The following GPC6 variants were observed in gnomAD, a reference collection of about 807,000 sequenced individuals.
The protein encoded by GPC6 is glypican-6.
In GPC6, 14 loss-of-function variants were observed where a neutral mutation model predicts 55.2. The observed-to-expected ratio is 0.25, with a 90% confidence interval of 0.17 to 0.40. GPC6 has a LOEUF of 0.40. Among genes scored for constraint, GPC6 ranks in the 10% least tolerant of loss-of-function variants. The pLI is 1.00. For missense variants in GPC6, 641 were observed against 708.5 expected (o/e 0.90, Z 1.08); for synonymous variants, 278 against 259.6 (o/e 1.07, Z -0.68).
At chr13:94,153,160 G>A (rs1021593950) in intron 4 of GPC6, among the ~76,000 whole-genome samples, 1 of 151,990 alleles carries the variant, frequency 6.6e-6, no homozygotes, top group African/African-American at 2.4e-5. Flanking sequence ...AATGAATGTT[G>A]CCACCTGAGT....
chr13:93,535,094 T>C (rs1287063629), intron 1 of GPC6, among the ~76,000 whole-genome samples: 7 of 152,222 alleles, frequency 4.6e-5, no homozygotes, highest in Non-Finnish European at 1.0e-4. Flanking sequence ...TTTGGTCTCT[T>C]ATCCTGATTT....
At chr13:93,716,705 T>C (rs760313455) in intron 2 of GPC6, among the ~76,000 whole-genome samples, 59 of 151,572 alleles carry the variant, frequency 3.9e-4, no homozygotes, top group Non-Finnish European at 6.3e-4. Context: ...TATAAGTCTT[T>C]GTAAGTTTAG....
chr13:94,016,620 A>T (rs1186284138), intron 3 of GPC6, among the ~76,000 whole-genome samples: 2 of 152,208 alleles, frequency 1.3e-5, no homozygotes, highest in Admixed American at 1.3e-4. Flanking sequence ...AGCTGTTAGA[A>T]TTTTGAAAGA....
intron 3 of GPC6, among the ~76,000 whole-genome samples, chr13:94,002,699 A>C (rs1487069587): frequency 6.6e-6 from 1 of 152,162 alleles, no homozygotes; most frequent in African/African-American, 2.4e-5. Context: ...GGTGAAAAAA[A>C]ACTCCCTGTC....
chr13:93,932,736 T>G (rs959955037), intron 3 of GPC6, among the ~76,000 whole-genome samples: 36 of 152,088 alleles, frequency 2.4e-4, no homozygotes, highest in African/African-American at 8.7e-4. Context: ...AAGTTTCTGG[T>G]TTGCAGTCAC....
intron 1 of GPC6, among the ~76,000 whole-genome samples, chr13:93,326,113 G>A (rs1469538217): frequency 6.6e-6 from 1 of 152,172 alleles, no homozygotes; most frequent in Non-Finnish European, 1.5e-5. Flanking sequence ...AGGGAAAACA[G>A]GAGGAGAAAG....
intron 4 of GPC6, among the ~76,000 whole-genome samples, chr13:94,239,531 A>T (rs1267645243): frequency 1.3e-5 from 2 of 152,274 alleles, no homozygotes; most frequent in African/African-American, 2.4e-5. Context: ...GAGGATTTTT[A>T]AAACTTTTTT....
At chr13:94,143,723 A>T (rs1000253420) in intron 4 of GPC6, among the ~76,000 whole-genome samples, 14 of 152,146 alleles carry the variant, frequency 9.2e-5, no homozygotes, top group Middle Eastern at 3.4e-3. Flanking sequence ...CCCCATCTTT[A>T]CAAAAAAATA....
At chr13:93,803,151 G>C (rs1475191294) in intron 2 of GPC6, among the ~76,000 whole-genome samples, 1 of 152,072 alleles carries the variant, frequency 6.6e-6, no homozygotes, top group African/African-American at 2.4e-5. Flanking sequence ...GCAAAATTAT[G>C]AGTCCTAAGG....
intron 4 of GPC6, among the ~76,000 whole-genome samples, chr13:94,156,377 A>G (rs943309649): frequency 3.3e-5 from 5 of 152,186 alleles, no homozygotes; most frequent in Non-Finnish European, 7.3e-5. Context: ...GTATAGATAT[A>G]GATACATATA....
At chr13:93,776,531 T>C (rs549567905) in intron 2 of GPC6, among the ~76,000 whole-genome samples, 11 of 152,156 alleles carry the variant, frequency 7.2e-5, no homozygotes, top group South Asian at 4.1e-4. Flanking sequence ...ACTGGGATAA[T>C]GAACTGATAT....
Position 94,084,497 on chromosome 13 carries a change from C to T in GPC6, c.877+56603C>T, listed in dbSNP as rs376730030. On this transcript the variant is annotated intron_variant, in intron 4 of 8. Coordinates refer to ENST00000377047, the MANE Select transcript of GPC6 (RefSeq NM_005708.5). ...TCACAAGAATATGAATTTATATCCC[C>T]AGGTGGACAGTTATGAAAGTGGGAT... Among the ~76,000 whole-genome samples the T allele has an allele frequency of 7.8e-4, 119 of 152,224 alleles. No homozygotes were observed. In the South Asian group the frequency reaches 0.023, roughly 30 times the overall value.
intron 3 of GPC6, among the ~76,000 whole-genome samples, chr13:93,928,896 T>C (rs1282629704): frequency 1.9e-5 from 2 of 105,650 alleles, no homozygotes; most frequent in African/African-American, 7.4e-5. Flanking sequence ...CACACACATC[T>C]ATATAGTAGG....
intron 1 of GPC6, among the ~76,000 whole-genome samples, chr13:93,275,193 T>C (rs905730129): frequency 6.6e-6 from 1 of 152,228 alleles, no homozygotes; most frequent in African/African-American, 2.4e-5. Context: ...TTTCATCTTA[T>C]TGGGGGAAGA....
intron 4 of GPC6, among the ~76,000 whole-genome samples, chr13:94,201,472 A>G (rs900147127): frequency 6.6e-6 from 1 of 152,126 alleles, no homozygotes; most frequent in African/African-American, 2.4e-5. Context: ...ACACACACCA[A>G]AAAATATATA....
At chr13:93,496,987 C>A (rs1264599255) in intron 1 of GPC6, among the ~76,000 whole-genome samples, 1 of 152,106 alleles carries the variant, frequency 6.6e-6, no homozygotes, top group Admixed American at 6.5e-5. Flanking sequence ...AACACCAACC[C>A]AAGTTGCATT....
chr13:93,531,565 C>A (rs1425386879), intron 1 of GPC6, among the ~76,000 whole-genome samples: 2 of 152,182 alleles, frequency 1.3e-5, no homozygotes, highest in East Asian at 3.8e-4. Context: ...ACCACATCTA[C>A]AAACTACCTC....
intron 3 of GPC6, among the ~76,000 whole-genome samples, chr13:93,886,169 C>T (rs1875313088): frequency 6.6e-6 from 1 of 152,068 alleles, no homozygotes; most frequent in Non-Finnish European, 1.5e-5. Context: ...TCATTATCAA[C>T]ACATTTTATT....
chr13:93,689,634 T>C (rs1054621140), intron 2 of GPC6, among the ~76,000 whole-genome samples: 12 of 152,116 alleles, frequency 7.9e-5, no homozygotes, highest in Admixed American at 3.3e-4. Context: ...TATGGTCCTA[T>C]TTCCCATTTT....
Sources: allele counts gnomAD v4.1 joint callset (sites outside exome capture counted in the v4.1 genomes callset), GRCh38; gene constraint gnomAD v4.1.1; transcripts MANE v1.5; gene names NCBI Gene and HGNC (gene_info 2026-07-23, HGNC 2026-07-21).